The following DENND1B variants were observed in gnomAD, a reference collection of about 807,000 sequenced individuals.
DENND1B encodes the protein DENN domain-containing protein 1B.
Under a neutral mutation model 90.1 loss-of-function variants are expected in DENND1B, and 59 were observed. That is an observed-to-expected ratio of 0.65 (90% CI 0.53 to 0.81). The LOEUF (loss-of-function observed/expected upper bound fraction) is 0.81. DENND1B is among the 40% of genes least tolerant of loss of function. DENND1B has a pLI of 0.00. For synonymous variants in DENND1B, 337 were observed against 324.6 expected (o/e 1.04, Z -0.41); for missense variants, 862 against 912.6 (o/e 0.94, Z 0.71).
intron 2 of DENND1B, 28 bp from the exon 3 acceptor site, chr1:197,715,102 A>G: frequency 6.3e-7 from 1 of 1,594,032 alleles, no homozygotes; most frequent in Non-Finnish European, 8.6e-7. Context: ...GTATAATTAA[A>G]CAGCAGCAAA....
intron 15 of DENND1B, among the ~76,000 whole-genome samples, chr1:197,562,787 C>G (rs1205424922): frequency 6.6e-6 from 1 of 151,898 alleles, no homozygotes; most frequent in Non-Finnish European, 1.5e-5. Context: ...GCCTCTTGCA[C>G]CAAGCAATTA....
chr1:197,555,436 G>A (rs1044913385), intron 15 of DENND1B, among the ~76,000 whole-genome samples: 26 of 151,944 alleles, frequency 1.7e-4, no homozygotes, highest in African/African-American at 6.0e-4. Context: ...CTACAGAATG[G>A]GAGAAAATAC....
chr1:197,605,814 G>A (rs1157442644), intron 13 of DENND1B: 1 of 151,036 alleles, frequency 6.6e-6, no homozygotes, highest in Admixed American at 6.6e-5. Flanking sequence ...ATGTCTCAAG[G>A]TCAGCAAGTA....
At chr1:197,762,256 G>C (rs1039156589) in intron 2 of DENND1B, among the ~76,000 whole-genome samples, 2 of 151,900 alleles carry the variant, frequency 1.3e-5, no homozygotes, top group East Asian at 3.9e-4. Context: ...ACACCAAAAG[G>C]CTTATTAGTC....
chr1:197,636,875 C>T (rs990810308), intron 10 of DENND1B, among the ~76,000 whole-genome samples: 1 of 151,856 alleles, frequency 6.6e-6, no homozygotes, highest in Non-Finnish European at 1.5e-5. Flanking sequence ...GAGTGATTCA[C>T]CAAATTAGCC....
intron 3 of DENND1B, among the ~76,000 whole-genome samples, chr1:197,701,987 T>C (rs1261683609): frequency 1.3e-5 from 2 of 152,212 alleles, no homozygotes; most frequent in African/African-American, 4.8e-5. Context: ...TGTGAGACCG[T>C]ATGTCTATAT....
intron 3 of DENND1B, among the ~76,000 whole-genome samples, chr1:197,683,642 T>C (rs1236087855): frequency 1.3e-5 from 2 of 152,184 alleles, no homozygotes; most frequent in African/African-American, 4.8e-5. Flanking sequence ...ATTAGTATTG[T>C]ATTCTCCAAT....
intron 10 of DENND1B, among the ~76,000 whole-genome samples, chr1:197,623,264 G>A (rs1678336782): frequency 6.6e-6 from 1 of 151,314 alleles, no homozygotes; most frequent in South Asian, 2.1e-4. Flanking sequence ...AGAAATTTAA[G>A]CATCATAAAT....
intron 5 of DENND1B, among the ~76,000 whole-genome samples, chr1:197,666,594 C>A (rs1005800963): frequency 5.9e-5 from 9 of 152,156 alleles, no homozygotes; most frequent in Non-Finnish European, 1.2e-4. Flanking sequence ...CTATTAAGCA[C>A]ATGAATTCTA....
intron 10 of DENND1B, among the ~76,000 whole-genome samples, chr1:197,628,717 A>C (rs1269659686): frequency 6.6e-6 from 1 of 152,168 alleles, no homozygotes; most frequent in Non-Finnish European, 1.5e-5. Flanking sequence ...AGCAAAAAAA[A>C]CTACCATCAG....
At chr1:197,748,437 T>C (rs981840795) in intron 2 of DENND1B, among the ~76,000 whole-genome samples, 5 of 152,174 alleles carry the variant, frequency 3.3e-5, no homozygotes, top group African/African-American at 1.2e-4. Context: ...CTGTATTATA[T>C]AACATAGGAG....
chr1:197,607,229 A>G (rs1252208788), intron 12 of DENND1B, 55 bp from the exon 13 acceptor site: 4 of 1,243,066 alleles, frequency 3.2e-6, no homozygotes, highest in South Asian at 3.1e-5. Flanking sequence ...TTACAAAGTT[A>G]TGATGAGTTT....
At chr1:197,716,751 T>C (rs1660682974) in intron 2 of DENND1B, among the ~76,000 whole-genome samples, 1 of 151,972 alleles carries the variant, frequency 6.6e-6, no homozygotes, top group Non-Finnish European at 1.5e-5. Context: ...AGGGTTTCAA[T>C]GTGAATATTT....
rs368753178 is a variant in DENND1B, at chr1:197,652,254, G to A, written c.428C>T (p.Thr143Ile). 9 of 1,610,598 alleles carry A rather than the reference G, an allele frequency of 5.6e-6. No homozygotes were observed. In the African/African-American group the frequency reaches 1.2e-4, roughly 22 times the overall value. ...ACTTACCACACTCAAATTTACAGGA[G>A]TATTTGCCTTTGGTACTGGGTGGTT... The part of the protein sequence containing the change: ...LYNHPVPKAN[T>I]PVNLSVNQEI... The change falls in exon 7 of 23, where the codon ACT becomes ATT. Residue 143 changes from threonine to isoleucine, a missense_variant. Coordinates refer to ENST00000620048, the MANE Select transcript of DENND1B (RefSeq NM_001195215.2).
chr1:197,737,737 T>C (rs1182526004), intron 2 of DENND1B, among the ~76,000 whole-genome samples: 1 of 152,196 alleles, frequency 6.6e-6, no homozygotes, highest in Non-Finnish European at 1.5e-5. Flanking sequence ...CTCAAGATTC[T>C]AATTATGTAA....
chr1:197,702,025 G>C (rs1007172854), intron 3 of DENND1B, among the ~76,000 whole-genome samples: 1 of 152,110 alleles, frequency 6.6e-6, no homozygotes, highest in African/African-American at 2.4e-5. Flanking sequence ...TCTTGTGTTA[G>C]TATGAAATGT....
chr1:197,690,117 A>T (rs924050390), intron 3 of DENND1B: 29 of 238,604 alleles, frequency 1.2e-4, no homozygotes, highest in African/African-American at 6.4e-4. Flanking sequence ...TAACACTACA[A>T]CTGAAGTAGA....
At chr1:197,706,821 T>C (rs1659580931) in intron 3 of DENND1B, among the ~76,000 whole-genome samples, 1 of 152,138 alleles carries the variant, frequency 6.6e-6, no homozygotes, top group Admixed American at 6.5e-5. Flanking sequence ...CACACACTGT[T>C]GGTGGGAATG....
At chr1:197,523,779 T>C (rs868662362) in intron 20 of DENND1B, among the ~76,000 whole-genome samples, 7 of 152,142 alleles carry the variant, frequency 4.6e-5, no homozygotes, top group Non-Finnish European at 1.0e-4. Context: ...AGTTTCTAGG[T>C]GTAAATACTA....
Sources: allele counts gnomAD v4.1 joint callset (sites outside exome capture counted in the v4.1 genomes callset), GRCh38; gene constraint gnomAD v4.1.1; transcripts MANE v1.5; gene names NCBI Gene and HGNC (gene_info 2026-07-23, HGNC 2026-07-21).